Variants in SCFD2 observed in about 807,000 individuals in gnomAD.
SCFD2 encodes sec1 family domain-containing protein 2.
Under a neutral mutation model 58.9 loss-of-function variants are expected in SCFD2, and 54 were observed. The ratio of observed to expected loss-of-function variants is 0.92; its 90% CI spans 0.74 to 1.15. SCFD2 has a LOEUF of 1.15. Among genes scored for constraint, SCFD2 ranks in the 50% most tolerant of loss-of-function variants. The probability of loss-of-function intolerance (pLI) is 0.00; values close to 1 mark genes in which losing one functional copy is unlikely to be tolerated. For synonymous variants in SCFD2, 321 were observed against 335.9 expected, an observed-to-expected ratio of 0.96 and a Z score of 0.49; for missense variants, 805 against 836.6, an observed-to-expected ratio of 0.96 and a Z score of 0.47.
intron 5 of SCFD2, among the ~76,000 whole-genome samples, chr4:52,972,694 C>A (rs1359484462): frequency 3.3e-5 from 5 of 152,294 alleles, no homozygotes; most frequent in Admixed American, 1.3e-4. Flanking sequence ...AACTCTCCAC[C>A]CCAAATCAAC....
chr4:53,072,575 A>AG (rs927198240), intron 5 of SCFD2, among the ~76,000 whole-genome samples: 41 of 139,290 alleles, frequency 2.9e-4, no homozygotes, highest in South Asian at 1.1e-3. Context: ...ATAAAAGATT[A>AG]GGGGGGGGAA....
chr4:53,263,757 A>G (rs1730898443), intron 4 of SCFD2, among the ~76,000 whole-genome samples: 1 of 152,194 alleles, frequency 6.6e-6, no homozygotes, highest in African/African-American at 2.4e-5. Context: ...CGCTTTCAAG[A>G]GTGCATCAGC....
intron 3 of SCFD2, among the ~76,000 whole-genome samples, chr4:53,302,004 A>C (rs62324294): frequency 0.066 from 10,060 of 152,220 alleles, 362 homozygotes; most frequent in Middle Eastern, 0.12. Context: ...CATACTGAAT[A>C]GGCAAAAACT....
intron 2 of SCFD2, among the ~76,000 whole-genome samples, chr4:53,317,445 C>T (rs1311791109): frequency 6.6e-6 from 1 of 152,264 alleles, no homozygotes; most frequent in Non-Finnish European, 1.5e-5. Context: ...CTAATATGCT[C>T]ATAAAAGTTG....
At chr4:53,086,020 C>A (rs571745171) in intron 5 of SCFD2, among the ~76,000 whole-genome samples, 1 of 151,910 alleles carries the variant, frequency 6.6e-6, no homozygotes, top group South Asian at 2.1e-4. Flanking sequence ...CACAGGCAAC[C>A]AAAGCAAAAA....
chr4:52,901,975 G>A (rs780239852), intron 7 of SCFD2, among the ~76,000 whole-genome samples: 3 of 152,194 alleles, frequency 2.0e-5, no homozygotes, highest in Non-Finnish European at 4.4e-5. Context: ...ATTGAGTTCT[G>A]TGAGCCATTT....
At chr4:53,303,199 T>C (rs892385583) in intron 3 of SCFD2, among the ~76,000 whole-genome samples, 2 of 152,050 alleles carry the variant, frequency 1.3e-5, no homozygotes, top group African/African-American at 4.8e-5. Context: ...TGCAACCTAC[T>C]CATCTGACAA....
At chr4:53,004,855 C>T (rs1210111176) in intron 5 of SCFD2, among the ~76,000 whole-genome samples, 1 of 152,136 alleles carries the variant, frequency 6.6e-6, no homozygotes, top group Non-Finnish European at 1.5e-5. Context: ...TCCATTCCCC[C>T]AGCACCCATG....
chr4:53,307,049 G>A (rs1024452515), intron 3 of SCFD2, among the ~76,000 whole-genome samples: 1 of 152,210 alleles, frequency 6.6e-6, no homozygotes, highest in Non-Finnish European at 1.5e-5. Flanking sequence ...TCCTGCCTAT[G>A]CCTCTCATAG....
At chr4:52,913,731 T>C (rs1011429865) in intron 6 of SCFD2, among the ~76,000 whole-genome samples, 1 of 152,210 alleles carries the variant, frequency 6.6e-6, no homozygotes, top group Admixed American at 6.5e-5. Flanking sequence ...TGCTACACCA[T>C]TCCCTAGAGC....
chr4:52,965,281 G>T (rs1720938654), intron 5 of SCFD2, among the ~76,000 whole-genome samples: 1 of 152,114 alleles, frequency 6.6e-6, no homozygotes, highest in Non-Finnish European at 1.5e-5. Flanking sequence ...CATCTTTCAT[G>T]GCATATTATT....
At chr4:53,171,938 C>T (rs575797720) in intron 4 of SCFD2, among the ~76,000 whole-genome samples, 1 of 150,578 alleles carries the variant, frequency 6.6e-6, no homozygotes, top group African/African-American at 2.4e-5. Context: ...AAAATCTGCT[C>T]TTAATGTCAT....
At chr4:53,328,732 G>A (rs2149128090) in intron 2 of SCFD2, among the ~76,000 whole-genome samples, 1 of 152,212 alleles carries the variant, frequency 6.6e-6, no homozygotes, top group Non-Finnish European at 1.5e-5. Context: ...AAGAAATATT[G>A]GGGGAGGAGC....
At chr4:53,207,391 G>T (rs969456263) in intron 4 of SCFD2, among the ~76,000 whole-genome samples, 12 of 143,700 alleles carry the variant, frequency 8.4e-5, no homozygotes, top group African/African-American at 3.1e-4. Context: ...CTGCTATACT[G>T]ACAAAACCAA....
intron 5 of SCFD2, among the ~76,000 whole-genome samples, chr4:53,056,126 C>CTTTT (rs34952397): frequency 7.3e-6 from 1 of 137,300 alleles, no homozygotes; most frequent in Non-Finnish European, 1.6e-5. Context: ...TGTAACGTAG[C>CTTTT]TTTTTTTTTT....
chr4:53,229,325 C>G (rs62326403), intron 4 of SCFD2, among the ~76,000 whole-genome samples: 1,553 of 152,218 alleles, frequency 0.01, 26 homozygotes, highest in South Asian at 0.073. Flanking sequence ...CAATCCTAAG[C>G]CGAAAGAACA....
At chr4:53,131,291 C>T (rs188811180) in intron 5 of SCFD2, among the ~76,000 whole-genome samples, 4 of 152,184 alleles carry the variant, frequency 2.6e-5, no homozygotes, top group East Asian at 3.9e-4. Context: ...CAGGATGAAT[C>T]GGTGGGTATG....
intron 5 of SCFD2, among the ~76,000 whole-genome samples, chr4:53,096,154 T>G (rs1367127947): frequency 6.6e-6 from 1 of 152,124 alleles, no homozygotes; most frequent in East Asian, 1.9e-4. Flanking sequence ...ATTCACTATT[T>G]GTGAACAGTG....
At chr4:53,012,154 A>G (rs1441650896) in intron 5 of SCFD2, among the ~76,000 whole-genome samples, 1 of 152,070 alleles carries the variant, frequency 6.6e-6, no homozygotes, top group Non-Finnish European at 1.5e-5. Flanking sequence ...AATAGTTTTC[A>G]GGTTCAAGTA....
Sources: allele counts gnomAD v4.1 joint callset (sites outside exome capture counted in the v4.1 genomes callset), GRCh38; gene constraint gnomAD v4.1.1; transcripts MANE v1.5; gene names NCBI Gene and HGNC (gene_info 2026-07-23, HGNC 2026-07-21).